The following GSTO2 variants were observed in gnomAD, a reference collection of about 807,000 sequenced individuals.
GSTO2 encodes the protein glutathione S-transferase omega 2, also known as glutathione S-transferase omega-2.
Under a neutral mutation model 28.4 loss-of-function variants are expected in GSTO2, and 23 were observed. The ratio of observed to expected loss-of-function variants is 0.81; its 90% confidence interval spans 0.58 to 1.15. The LOEUF (loss-of-function observed/expected upper bound fraction) is 1.15. GSTO2 is among the 50% of genes most tolerant of loss of function. The pLI is 0.00. For synonymous variants in GSTO2, 109 were observed against 111.0 expected, an observed-to-expected ratio of 0.98 and a Z score of 0.11; for missense variants, 298 against 297.8, an observed-to-expected ratio of 1.00 and a Z score of 0.00.
rs772096028 is a variant in GSTO2 at position 104,275,346 on chromosome 10, G to A, written c.143+12G>A. On this transcript the variant is annotated intron_variant, in intron 3 of 6. Transcript: ENST00000338595. ...GCCAAAGACATCAGGTGAGAAGCGG[G>A]AACCCAGAGCCCCCGAGCAAACCCA... The A allele has an allele frequency of 2.2e-5, 36 of 1,612,846 alleles. No individual in the cohort carries two copies. Among genetic ancestry groups the A allele is most frequent in the Non-Finnish European group, 3.1e-5 (36 of 1,179,326 alleles).
chr10:104,272,071 T>TGATA (rs2011432186), intron 1 of GSTO2, among the ~76,000 whole-genome samples: 1 of 152,232 alleles, frequency 6.6e-6, no homozygotes, highest in Admixed American at 6.5e-5. Context: ...GGATGTTGGG[T>TGATA]GATAATATGT....
chr10:104,292,158 G>A (rs934380842), intron 5 of GSTO2, among the ~76,000 whole-genome samples: 1 of 151,778 alleles, frequency 6.6e-6, no homozygotes, highest in East Asian at 1.9e-4. Flanking sequence ...AGTGAGGGAT[G>A]CCATTGTGAG....
chr10:104,278,959 T>C (rs1462175679), intron 4 of GSTO2, among the ~76,000 whole-genome samples: 2 of 152,230 alleles, frequency 1.3e-5, no homozygotes, highest in African/African-American at 4.8e-5. Flanking sequence ...CGAACACTTA[T>C]GATGTGCCAG....
chr10:104,272,904 AC>A (rs1248585999), intron 1 of GSTO2, among the ~76,000 whole-genome samples: 1 of 151,830 alleles, frequency 6.6e-6, no homozygotes, highest in Non-Finnish European at 1.5e-5. Flanking sequence ...GAGCCACCGC[AC>A]CCGGCCCAGT....
rs112969459 is a variant in GSTO2 at position 104,275,204 on chromosome 10, C to T, written c.35-22C>T. ...CTGACTAGCCTCTCCTTTCCCTGTC[C>T]CCCTCCATCGCTGCTCTGCAGGAAG... On this transcript the variant is annotated intron_variant, in intron 2 of 6. Transcript: ENST00000338595. 63 of 1,599,490 alleles carry T rather than the reference C, an allele frequency of 3.9e-5. 1 individual carries two copies. The highest frequency in any genetic ancestry group is 2.6e-4 in the African/African-American group (19 of 74,504).
At chr10:104,297,880 G>A (rs1190508101) in intron 6 of GSTO2, among the ~76,000 whole-genome samples, 196 bp downstream of exon 6, 4 of 152,148 alleles carry the variant, frequency 2.6e-5, no homozygotes, top group East Asian at 1.9e-4. Flanking sequence ...CACTTTGCCC[G>A]CATTTCTGCA....
chr10:104,293,449 A>C (rs181873308), intron 5 of GSTO2, among the ~76,000 whole-genome samples: 3 of 151,730 alleles, frequency 2.0e-5, no homozygotes, highest in Non-Finnish European at 2.9e-5. Context: ...TTATTTTAAG[A>C]TGGGGTCTCA....
chr10:104,269,746 C>CT (rs3832691), intron 1 of GSTO2, among the ~76,000 whole-genome samples: 2,814 of 152,318 alleles, frequency 0.018, 28 homozygotes, highest in African/African-American at 0.027. Flanking sequence ...TACTATGTAT[C>CT]AGACACATGC....
At position 104,275,222 on chromosome 10, in the gene GSTO2, G is replaced by A. The variant is rs1174394053; in HGVS notation, c.35-4G>A. 3.1e-6 allele frequency: 5 copies of A among 1,611,890 alleles called. No homozygotes were observed. The highest frequency in any genetic ancestry group is 1.1e-5 in the South Asian group (1 of 90,944). On this transcript the variant is annotated splice_region_variant and splice_polypyrimidine_tract_variant and intron_variant, in intron 2 of 6. Coordinates refer to ENST00000338595, the MANE Select transcript of GSTO2 (RefSeq NM_183239.2). Reference sequence around the variant, plus strand: ...CCCTGTCCCCCTCCATCGCTGCTCTGCAGGAAGCCAGCCCCCAGGGCCAGT... The same window carrying A: ...CCCTGTCCCCCTCCATCGCTGCTCTACAGGAAGCCAGCCCCCAGGGCCAGT...
chr10:104,269,740 A>G (rs1157081768), intron 1 of GSTO2, among the ~76,000 whole-genome samples: 1 of 152,112 alleles, frequency 6.6e-6, no homozygotes, highest in East Asian at 1.9e-4. Context: ...AACACTTACT[A>G]TGTATCAGAC....
intron 3 of GSTO2, among the ~76,000 whole-genome samples, chr10:104,275,834 G>C (rs936254230): frequency 3.3e-5 from 5 of 152,208 alleles, no homozygotes; most frequent in Non-Finnish European, 1.5e-5. Flanking sequence ...AGCTAGGAGA[G>C]AGCCTGTCAC....
intron 1 of GSTO2, among the ~76,000 whole-genome samples, chr10:104,269,486 T>C (rs999976070): frequency 2.6e-5 from 4 of 152,240 alleles, no homozygotes; most frequent in African/African-American, 9.6e-5. Context: ...AACAGGTCTT[T>C]AAACCGCATA....
chr10:104,283,141 A>G (rs1475636122), intron 5 of GSTO2, among the ~76,000 whole-genome samples: 1 of 152,200 alleles, frequency 6.6e-6, no homozygotes, highest in Admixed American at 6.5e-5. Flanking sequence ...ATGTCACTGA[A>G]TAAGAAATTT....
intron 1 of GSTO2, among the ~76,000 whole-genome samples, chr10:104,270,214 C>T (rs1038535707): frequency 6.6e-6 from 1 of 151,924 alleles, no homozygotes; most frequent in Non-Finnish European, 1.5e-5. Context: ...GGGGTTTCAC[C>T]GTGTTAGCCA....
rs568613602 is a variant in GSTO2 at position 104,304,050 on chromosome 10, G to T, written c.*4766G>T. ...TTACTCTGAGTTGAGAAGCAAGCTT[G>T]ACTGCCCTGTGGTTTATATCAGCCT... On this transcript the variant is annotated 3_prime_UTR_variant, in exon 7 of 7. Coordinates refer to ENST00000338595, the MANE Select transcript of GSTO2 (RefSeq NM_183239.2). The T allele has an allele frequency of 6.6e-6, 1 of 152,352 alleles. No individual in the cohort carries two copies. Among genetic ancestry groups the T allele is most frequent in the East Asian group, 1.9e-4 (1 of 5,178 alleles). 9.4% of individuals were successfully genotyped at this position (152,352 alleles called of 1,614,324 possible).
rs374167469 is a variant in GSTO2, at chr10:104,303,133, G to A, written c.*3849G>A. Reference sequence around the variant, plus strand: ...CCTGCACCCTCTGATAGGCCTCAGTGTGTATTGTTACCCTCCACATGTCCA... The same window carrying A: ...CCTGCACCCTCTGATAGGCCTCAGTATGTATTGTTACCCTCCACATGTCCA... On this transcript the variant is annotated 3_prime_UTR_variant, in exon 7 of 7. Coordinates refer to ENST00000338595, the MANE Select transcript of GSTO2 (RefSeq NM_183239.2). 2 of 152,160 alleles carry A rather than the reference G, an allele frequency of 1.3e-5. No individual in the cohort carries two copies. Among genetic ancestry groups the A allele is most frequent in the East Asian group, 1.9e-4 (1 of 5,202 alleles). The allele number at this position is 152,160 out of a possible 1,614,324, so 9.4% of individuals were successfully genotyped here. A position where few individuals can be genotyped will look rare whatever the true frequency, so the allele number is the denominator to read the frequency against.
chr10:104,291,002 A>G (rs1589872159), intron 5 of GSTO2, among the ~76,000 whole-genome samples: 1 of 152,332 alleles, frequency 6.6e-6, no homozygotes, highest in Non-Finnish European at 1.5e-5. Flanking sequence ...TATGTACCCC[A>G]TAAATATATA....
intron 1 of GSTO2, among the ~76,000 whole-genome samples, chr10:104,272,613 TTTTTTTTTTTTTTTTTTTG>T (rs1302976800): frequency 1.2e-4 from 7 of 60,672 alleles, no homozygotes; most frequent in South Asian, 5.8e-4. Context: ...TTTTTTTTTT[TTTTTTTTTTTTTTTTTTTG>T]AGACGGAGTC....
Position 104,269,186 on chromosome 10 carries a change from C to G in GSTO2, c.-315C>G, listed in dbSNP as rs1384399853. The G allele has an allele frequency of 6.6e-6, 1 of 152,512 alleles. No individual in the cohort carries two copies. The highest frequency in any genetic ancestry group is 1.9e-4 in the East Asian group (1 of 5,198). 9.4% of individuals were successfully genotyped at this position (152,512 alleles called of 1,614,324 possible). Reference sequence around the variant, plus strand: ...GGCAGGCCCCGTCTAGGCCCCGCCTCCTTGCTGCTGCTGCCGCCGCCAATC... The same window carrying G: ...GGCAGGCCCCGTCTAGGCCCCGCCTGCTTGCTGCTGCTGCCGCCGCCAATC... On this transcript the variant is annotated 5_prime_UTR_variant, in exon 1 of 7. Coordinates refer to ENST00000338595, the MANE Select transcript of GSTO2 (RefSeq NM_183239.2).
Sources: gnomAD v4.1 joint callset for allele counts (sites outside exome capture counted in the v4.1 genomes callset) on GRCh38, gnomAD v4.1.1 for gene constraint, MANE v1.5 for transcripts, NCBI Gene and HGNC (gene_info 2026-07-23, HGNC 2026-07-21) for gene names.